The following PREPL variants were observed in gnomAD, a reference collection of about 807,000 sequenced individuals.
PREPL encodes prolyl endopeptidase-like.
A neutral mutation model predicts 70.6 loss-of-function variants in PREPL; 77 were observed. The observed-to-expected ratio is 1.09, with a 90% CI of 0.91 to 1.32. The LOEUF is 1.32. Ranked by LOEUF, PREPL falls within the 40% of genes most tolerant of loss-of-function variation. PREPL has a pLI of 0.00. For missense variants in PREPL, 1,002 were observed against 778.2 expected (o/e 1.29, Z -3.42); for synonymous variants, 315 against 264.8 (o/e 1.19, Z -1.84).
intron 3 of PREPL, among the ~76,000 whole-genome samples, chr2:44,344,216 A>T (rs1035754415): frequency 1.3e-5 from 2 of 152,192 alleles, no homozygotes; most frequent in African/African-American, 4.8e-5. Context: ...TACAGACCAT[A>T]CAGAACCTAG....
chr2:44,352,377 T>C (rs956655974), intron 1 of PREPL, among the ~76,000 whole-genome samples: 1 of 152,104 alleles, frequency 6.6e-6, no homozygotes, highest in African/African-American at 2.4e-5. Context: ...AATTGATCCT[T>C]GATCTCAGCT....
At chr2:44,348,716 T>G (rs913201840) in intron 1 of PREPL, among the ~76,000 whole-genome samples, 1 of 152,202 alleles carries the variant, frequency 6.6e-6, no homozygotes, top group Non-Finnish European at 1.5e-5. Context: ...AATAGGATTT[T>G]TGACTCCCTT....
In PREPL at chr2:44,344,578, A is replaced by G; in HGVS notation, c.84T>C (p.His28=). The change falls in exon 3 of 14, where the codon CAT becomes CAC. Residue 28 remains histidine (H), a synonymous_variant. Transcript: ENST00000409411. The part of the protein sequence containing the change: ...EYEIINVEVK[H]GGFVYYQEGC... ...CTTCTTGGTAATAAACAAAACCACC[A>G]TGTTTAACCTGACAAAAGAAACATG... 1 of 1,601,712 alleles carries G rather than the reference A, an allele frequency of 6.2e-7. No individual in the cohort carries two copies.
chr2:44,332,368 C>T (rs536907612), intron 8 of PREPL, 91 bp downstream of exon 8: 66 of 1,109,116 alleles, frequency 6.0e-5, no homozygotes, highest in Non-Finnish European at 7.5e-5. Flanking sequence ...ATTAGGAAAC[C>T]GTGCTAATGT....
rs948014518 is a variant in PREPL, at chr2:44,319,447, T to C, written c.*1909A>G. ...ACACTATCGTCAAAATGAAAGGGCA[T>C]GGCTGAGTATGGTACAACCGTTCAA... On this transcript the variant is annotated 3_prime_UTR_variant, in exon 14 of 14. Coordinates refer to ENST00000409411, the MANE Select transcript of PREPL (RefSeq NM_001171613.2). The C allele has an allele frequency of 6.6e-6, 1 of 152,424 alleles. No individual in the cohort carries two copies. The highest frequency in any genetic ancestry group is 6.5e-5 in the Admixed American group (1 of 15,270). 9.4% of individuals were successfully genotyped at this position (152,424 alleles called of 1,614,324 possible).
At chr2:44,337,993 GCAGT>G (rs1674810140) in intron 7 of PREPL, among the ~76,000 whole-genome samples, 1 of 152,244 alleles carries the variant, frequency 6.6e-6, no homozygotes, top group Non-Finnish European at 1.5e-5. Context: ...TGGGGGAACA[GCAGT>G]CAGTGTTTAG....
At chr2:44,336,959 CCTTA>C (rs1237225465) in intron 7 of PREPL, among the ~76,000 whole-genome samples, 1 of 152,032 alleles carries the variant, frequency 6.6e-6, no homozygotes. Flanking sequence ...GCTTCCTGCC[CCTTA>C]CTTCTTTTTG....
chr2:44,326,836 G>C lies in PREPL; in HGVS notation c.1355C>G (p.Thr452Arg), dbSNP rs774180242. 6.2e-7 allele frequency: 1 copy of C among 1,614,098 alleles called. No homozygotes were observed. Among genetic ancestry groups the C allele is most frequent in the East Asian group, 2.2e-5 (1 of 44,890 alleles). The change falls in exon 10 of 14, where the codon ACG becomes AGG. Residue 452 changes from threonine to arginine, a missense_variant. Coordinates refer to ENST00000409411, the MANE Select transcript of PREPL (RefSeq NM_001171613.2). ...GLADLEACIK[T>R]LHGQGFSQPS... ...CTGAGAAAAGCCTTGGCCATGAAGCGTCTTAATGCAAGCCTCTAAATCAGC... is the reference window on the plus strand; with the variant it reads ...CTGAGAAAAGCCTTGGCCATGAAGCCTCTTAATGCAAGCCTCTAAATCAGC...
At chr2:44,358,108 A>T (rs1677244976) in intron 1 of PREPL, among the ~76,000 whole-genome samples, 1 of 152,206 alleles carries the variant, frequency 6.6e-6, no homozygotes. Context: ...ACTGAGAAAA[A>T]TTAGATTGAA....
intron 1 of PREPL, among the ~76,000 whole-genome samples, chr2:44,357,283 AG>A (rs1215011521): frequency 7.9e-5 from 12 of 152,242 alleles, no homozygotes; most frequent in Admixed American, 6.5e-5. Context: ...ACCTAAAAGC[AG>A]TAACTACTTT....
intron 10 of PREPL, 77 bp from the exon 11 acceptor site, chr2:44,323,488 G>C (rs1673188186): frequency 8.4e-7 from 1 of 1,183,592 alleles, no homozygotes; most frequent in African/African-American, 1.6e-5. Context: ...TCTATTTTAT[G>C]AATATACATA....
chr2:44,326,981 G>A, intron 9 of PREPL, 53 bp from the exon 10 acceptor site: 1 of 1,493,000 alleles, frequency 6.7e-7, no homozygotes, highest in South Asian at 1.2e-5. Context: ...TAATACTGTA[G>A]GCTGGGGTCA....
intron 7 of PREPL, among the ~76,000 whole-genome samples, 171 bp from the exon 8 acceptor site, chr2:44,332,827 A>C (rs1468916195): frequency 1.3e-5 from 2 of 152,216 alleles, no homozygotes; most frequent in African/African-American, 4.8e-5. Context: ...ATTTCAAATA[A>C]AAAACAAAAC....
chr2:44,331,018 C>T (rs1189650553), intron 8 of PREPL, among the ~76,000 whole-genome samples: 1 of 152,194 alleles, frequency 6.6e-6, no homozygotes, highest in Non-Finnish European at 1.5e-5. Flanking sequence ...TCACAACTCA[C>T]TGCAGCCTCA....
At position 44,329,076 on chromosome 2, in the gene PREPL, T is replaced by C. The variant is rs775043077; in HGVS notation, c.1123A>G (p.Thr375Ala). 2 of 1,609,876 alleles carry C rather than the reference T, an allele frequency of 1.2e-6. No individual in the cohort carries two copies. The highest frequency in any genetic ancestry group is 1.1e-5 in the South Asian group (1 of 90,812). The change falls in exon 9 of 14, where the codon ACT becomes GCT. Residue 375 changes from threonine to alanine, a missense_variant. Transcript: ENST00000409411. ...KLVPMTVFHK[T>A]DSEDLQKKPL... ...TTCTTCTGCAAGTCCTCAGAGTCAGTTTTGTGGAAAACAGTCATTGGCACT... is the reference window on the plus strand; with the variant it reads ...TTCTTCTGCAAGTCCTCAGAGTCAGCTTTGTGGAAAACAGTCATTGGCACT...
At chr2:44,321,800 T>C (rs1394803796) in intron 13 of PREPL, 27 bp downstream of exon 13, 2 of 1,613,806 alleles carry the variant, frequency 1.2e-6, no homozygotes, top group South Asian at 1.1e-5. Flanking sequence ...CGGGAATCTG[T>C]CCACTGAGAG....
intron 8 of PREPL, among the ~76,000 whole-genome samples, chr2:44,332,071 C>T (rs1356168707): frequency 6.6e-6 from 1 of 151,598 alleles, no homozygotes; most frequent in Non-Finnish European, 1.5e-5. Context: ...CTCAGCCTCC[C>T]AAGTAGCTGG....
chr2:44,322,726 C>G lies in PREPL; in HGVS notation c.1753+5G>C. 6.2e-7 allele frequency: 1 copy of G among 1,612,338 alleles called. No homozygotes were observed. The highest frequency in any genetic ancestry group is 1.1e-5 in the South Asian group (1 of 90,910). On this transcript the variant is annotated splice_donor_5th_base_variant and intron_variant, in intron 12 of 13. Coordinates refer to ENST00000409411, the MANE Select transcript of PREPL (RefSeq NM_001171613.2). ...CATGTTCCCTGCTTCTAGGGGGTCT[C>G]CTACCTTCACCTGTGTCCTTAGCAT...
chr2:44,331,946 C>CTTTT (rs35003986), intron 8 of PREPL, among the ~76,000 whole-genome samples: 1 of 121,694 alleles, frequency 8.2e-6, no homozygotes, highest in East Asian at 2.2e-4. Context: ...TATAAATTTT[C>CTTTT]TTTTTTTTTT....
Sources: allele counts gnomAD v4.1 joint callset (sites outside exome capture counted in the v4.1 genomes callset), GRCh38; gene constraint gnomAD v4.1.1; transcripts MANE v1.5; gene names NCBI Gene and HGNC (gene_info 2026-07-23, HGNC 2026-07-21).